The following PTPRN2 variants were observed in gnomAD, a reference collection of about 807,000 sequenced individuals.
PTPRN2 encodes the protein protein tyrosine phosphatase receptor type N2, also known as receptor-type tyrosine-protein phosphatase N2.
PTPRN2 carries 74 observed loss-of-function variants against 118.8 expected under a neutral mutation model. That is an observed-to-expected ratio of 0.62 (90% CI 0.52 to 0.76). The LOEUF is 0.76. Among genes scored for constraint, PTPRN2 ranks in the 30% least tolerant of loss-of-function variants. The pLI, the probability that PTPRN2 is intolerant of heterozygous loss-of-function variation, is 0.00. For synonymous variants in PTPRN2, 641 were observed against 608.0 expected (o/e 1.05, Z -0.80); for missense variants, 1,481 against 1,394.4 (o/e 1.06, Z -0.99).
intron 11 of PTPRN2, among the ~76,000 whole-genome samples, chr7:157,901,416 C>T (rs902531486): frequency 2.2e-4 from 34 of 152,136 alleles, no homozygotes; most frequent in African/African-American, 4.3e-4. Flanking sequence ...GAGTTGCAGG[C>T]GTGCGGGGAA....
chr7:157,699,399 C>CA (rs1243158702), intron 12 of PTPRN2, among the ~76,000 whole-genome samples: 1 of 152,154 alleles, frequency 6.6e-6, no homozygotes, highest in Non-Finnish European at 1.5e-5. Flanking sequence ...CTAATGTGAA[C>CA]AAAAATTCAG....
chr7:158,257,721 C>T (rs113398642), intron 3 of PTPRN2, among the ~76,000 whole-genome samples: 3,972 of 152,340 alleles, frequency 0.026, 165 homozygotes, highest in African/African-American at 0.089. Context: ...CCAAGACCTG[C>T]GGCGGTGACT....
Position 158,108,727 on chromosome 7 carries a change from T to C in PTPRN2, c.1643+2102A>G, listed in dbSNP as rs186785626. ...GGCTGGCTGGGGTGCTTCTCATGCA[T>C]GTCCCCTAGTGCCCTCCATGCTAAT... On this transcript the variant is annotated intron_variant, in intron 10 of 22. Coordinates refer to ENST00000389418, the MANE Select transcript of PTPRN2 (RefSeq NM_002847.5). Among the ~76,000 whole-genome samples, 610 of 152,366 alleles carry C rather than the reference T, an allele frequency of 4.0e-3. 2 individuals carry two copies. The highest frequency in any genetic ancestry group is 0.014 in the African/African-American group (572 of 41,590).
chr7:157,667,973 A>C (rs1161529907), intron 13 of PTPRN2, among the ~76,000 whole-genome samples: 1 of 152,212 alleles, frequency 6.6e-6, no homozygotes, highest in Admixed American at 6.5e-5. Context: ...CCCGCAGGAC[A>C]GTGCTGCACC....
chr7:158,509,044 G>A lies in PTPRN2; in HGVS notation c.113-19259C>T, dbSNP rs1034433108. Among the ~76,000 whole-genome samples the A allele has an allele frequency of 4.6e-5, 7 of 152,092 alleles. No individual in the cohort carries two copies. Among genetic ancestry groups the A allele is most frequent in the Non-Finnish European group, 8.8e-5 (6 of 68,024 alleles). On this transcript the variant is annotated intron_variant, in intron 1 of 22. Transcript: ENST00000389418. The surrounding 1 kb of genome is among the most constrained non-coding windows in gnomAD (Gnocchi z 4.4). ...TCTCTTCAGAGGTGGAAGCTGATGC[G>A]GGTGGAGGTGGGTGGTTTCTAAAGA...
chr7:157,915,390 A>T (rs1798336930), intron 11 of PTPRN2, among the ~76,000 whole-genome samples: 1 of 152,064 alleles, frequency 6.6e-6, no homozygotes, highest in African/African-American at 2.4e-5. Flanking sequence ...GGGATTGTAC[A>T]TCCCTGTGAA....
chr7:157,665,876 T>C (rs1796112186), intron 13 of PTPRN2, among the ~76,000 whole-genome samples: 1 of 152,112 alleles, frequency 6.6e-6, no homozygotes, highest in African/African-American at 2.4e-5. Context: ...CAGCAAAATA[T>C]CACAAAGACA....
intron 2 of PTPRN2, among the ~76,000 whole-genome samples, chr7:158,442,513 C>A (rs2129435166): frequency 6.6e-6 from 1 of 152,172 alleles, no homozygotes; most frequent in African/African-American, 2.4e-5. Flanking sequence ...CAGTGGAAGC[C>A]CACTCAGCAT....
chr7:157,659,619 G>T (rs1035475819), intron 13 of PTPRN2, among the ~76,000 whole-genome samples: 23 of 151,890 alleles, frequency 1.5e-4, no homozygotes, highest in Non-Finnish European at 2.9e-5. Flanking sequence ...GTACTTGTTA[G>T]TTTATAGACA....
At chr7:158,468,996 C>CACACACACT (rs1432948751) in intron 2 of PTPRN2, among the ~76,000 whole-genome samples, 17 of 152,078 alleles carry the variant, frequency 1.1e-4, no homozygotes, top group Admixed American at 2.0e-4. Flanking sequence ...CATGCACACT[C>CACACACACT]CCGGTGGATC....
intron 2 of PTPRN2, among the ~76,000 whole-genome samples, chr7:158,412,785 C>T (rs538804191): frequency 3.0e-4 from 38 of 125,452 alleles, no homozygotes; most frequent in African/African-American, 1.1e-3. Context: ...GCCCATCCAG[C>T]ACCCTCCTCA....
intron 14 of PTPRN2, among the ~76,000 whole-genome samples, chr7:157,634,503 C>T (rs1031164485): frequency 2.6e-5 from 4 of 152,150 alleles, no homozygotes; most frequent in East Asian, 1.9e-4. Flanking sequence ...CCTGGGACGC[C>T]GTGATGTGCT....
chr7:158,008,550 T>C (rs1805826654), intron 11 of PTPRN2, among the ~76,000 whole-genome samples: 1 of 152,234 alleles, frequency 6.6e-6, no homozygotes, highest in South Asian at 2.1e-4. Context: ...TTATTTCATA[T>C]TTTTGTCTTC....
chr7:158,216,681 A>G (rs1827982420), intron 3 of PTPRN2, among the ~76,000 whole-genome samples: 1 of 152,208 alleles, frequency 6.6e-6, no homozygotes, highest in Non-Finnish European at 1.5e-5. Context: ...TATATGAATT[A>G]TATAGATAGA....
chr7:157,572,681 T>C (rs1799813163), intron 19 of PTPRN2, among the ~76,000 whole-genome samples: 1 of 119,278 alleles, frequency 8.4e-6, no homozygotes, highest in Admixed American at 8.4e-5. Flanking sequence ...ATGCCCAGTC[T>C]GGAGGGCACC....
At chr7:158,203,225 C>CAAAAAAAA (rs56016358) in intron 4 of PTPRN2, among the ~76,000 whole-genome samples, 28 of 50,328 alleles carry the variant, frequency 5.6e-4, no homozygotes, top group Non-Finnish European at 7.4e-4. Context: ...AAGCAAGAGC[C>CAAAAAAAA]AAAAAAAAAA....
At chr7:158,024,677 G>T (rs191108069) in intron 11 of PTPRN2, among the ~76,000 whole-genome samples, 6 of 152,308 alleles carry the variant, frequency 3.9e-5, no homozygotes, top group Non-Finnish European at 4.4e-5. Flanking sequence ...AAGACACCTT[G>T]TGACAAACAA....
chr7:158,541,151 G>A (rs1406136617), intron 1 of PTPRN2, among the ~76,000 whole-genome samples: 2 of 152,208 alleles, frequency 1.3e-5, no homozygotes, highest in Non-Finnish European at 2.9e-5. Flanking sequence ...AAACACTAGT[G>A]TGCCTGGCAC....
chr7:157,961,463 G>A (rs929207725), intron 11 of PTPRN2, among the ~76,000 whole-genome samples: 7 of 151,810 alleles, frequency 4.6e-5, no homozygotes, highest in African/African-American at 1.5e-4. Context: ...AACCCGGGAG[G>A]TGGAGGTTGC....
Sources: allele counts gnomAD v4.1 joint callset (sites outside exome capture counted in the v4.1 genomes callset), GRCh38; gene constraint gnomAD v4.1.1; non-coding constraint Gnocchi (gnomAD v3.1); transcripts MANE v1.5; gene names NCBI Gene and HGNC (gene_info 2026-07-23, HGNC 2026-07-21).